ARHGEF7: variants seen among roughly 807,000 people sequenced by gnomAD.
The protein encoded by ARHGEF7 is Rho guanine nucleotide exchange factor 7.
A neutral mutation model predicts 109.8 loss-of-function variants in ARHGEF7; 33 were observed. The observed-to-expected ratio is 0.30, with a 90% CI of 0.23 to 0.40. The LOEUF is 0.40. Ranked by LOEUF, ARHGEF7 falls within the 10% of genes least tolerant of loss-of-function variation. ARHGEF7 has a pLI of 1.00. For missense variants in ARHGEF7, 938 were observed against 1,098.5 expected (o/e 0.85, Z 2.07); for synonymous variants, 458 against 424.6 (o/e 1.08, Z -0.97).
intron 1 of ARHGEF7, chr13:111,144,169 T>G (rs1455121387): frequency 6.6e-6 from 1 of 152,236 alleles, no homozygotes; most frequent in African/African-American, 2.4e-5. Flanking sequence ...GGTACACTTG[T>G]ATCTATTACT....
chr13:111,241,103 T>C (rs745356463), intron 6 of ARHGEF7: 68 of 1,491,554 alleles, frequency 4.6e-5, no homozygotes, highest in African/African-American at 5.6e-5. Flanking sequence ...AGTGTTTGAC[T>C]GCACTTGCCT....
At chr13:111,187,365 C>T (rs1195283938) in intron 2 of ARHGEF7, among the ~76,000 whole-genome samples, 2 of 152,138 alleles carry the variant, frequency 1.3e-5, no homozygotes, top group South Asian at 2.1e-4. Context: ...GGTCCTGTTG[C>T]CTGATGAGGG....
intron 5 of ARHGEF7, among the ~76,000 whole-genome samples, chr13:111,221,514 G>GAT (rs1289067497): frequency 4.1e-5 from 2 of 48,392 alleles, no homozygotes; most frequent in African/African-American, 1.6e-4. Flanking sequence ...TATATATATA[G>GAT]ATATATATCT....
chr13:111,153,896 G>T lies in ARHGEF7; in HGVS notation c.166-9G>T. 1.2e-6 allele frequency: 2 copies of T among 1,601,420 alleles called. No individual in the cohort carries two copies. The highest frequency in any genetic ancestry group is 8.5e-7 in the Non-Finnish European group (1 of 1,175,760). ...CCACGGCGCTCAGCGCTTGTGCTCT[G>T]TATTGCAGGTCTACCCCGAGCCCCG... On this transcript the variant is annotated splice_polypyrimidine_tract_variant and intron_variant, in intron 1 of 21. Coordinates refer to ENST00000646102, the MANE Select transcript of ARHGEF7 (RefSeq NM_001354046.2).
chr13:111,179,467 A>G (rs569037941), intron 2 of ARHGEF7, among the ~76,000 whole-genome samples: 1 of 152,230 alleles, frequency 6.6e-6, no homozygotes, highest in Non-Finnish European at 1.5e-5. Flanking sequence ...ATACTTCAGC[A>G]TGTGTATCTT....
chr13:111,286,292 GC>G (rs1368053116), intron 17 of ARHGEF7, 52 bp downstream of exon 17: 1 of 1,445,368 alleles, frequency 6.9e-7, no homozygotes, highest in Admixed American at 1.7e-5. Flanking sequence ...GGTCACGTAG[GC>G]CATGGCTTTC....
intron 2 of ARHGEF7, among the ~76,000 whole-genome samples, chr13:111,165,362 G>A (rs2077044068): frequency 6.6e-6 from 1 of 152,206 alleles, no homozygotes; most frequent in Non-Finnish European, 1.5e-5. Context: ...AGTCTTTCCA[G>A]TGCAGCTGGT....
chr13:111,115,646 C>T lies in ARHGEF7; in HGVS notation c.120C>T (p.Val40=), dbSNP rs774708069. 1.5e-6 allele frequency: 2 copies of T among 1,367,498 alleles called. No individual in the cohort carries two copies. The highest frequency in any genetic ancestry group is 3.2e-5 in the East Asian group (1 of 30,962). The allele number at this position is 1,367,498 out of a possible 1,614,324, so 84.7% of individuals were successfully genotyped here. A position where few individuals can be genotyped will look rare whatever the true frequency, so the allele number is the denominator to read the frequency against. Residue 40 remains valine (V), a synonymous_variant, in exon 1 of 22, where the codon GTC becomes GTT. Transcript: ENST00000646102. ...AGGCGTCGCTGAAGGATGGGGTGGT[C>T]CTCTGCAGGCTGCTGGAGCGCCTGC... The part of the protein sequence containing the change: ...FLQASLKDGV[V]LCRLLERLLP...
chr13:111,149,246 GAA>G (rs944400762), intron 1 of ARHGEF7, among the ~76,000 whole-genome samples: 1 of 139,346 alleles, frequency 7.2e-6, no homozygotes, highest in Admixed American at 7.3e-5. Context: ...CACTATCTCT[GAA>G]AAAAAAAAAG....
intron 1 of ARHGEF7, among the ~76,000 whole-genome samples, chr13:111,133,737 G>C (rs2074909124): frequency 7.5e-6 from 1 of 133,300 alleles, no homozygotes; most frequent in Admixed American, 7.8e-5. Flanking sequence ...CGTAGGACTG[G>C]GATGGGGCAG....
intron 2 of ARHGEF7, chr13:111,158,928 CTG>C: frequency 1.5e-6 from 1 of 664,014 alleles, no homozygotes. Context: ...TTATTGTTAA[CTG>C]TAGTCACCTG....
At chr13:111,268,543 G>A (rs2091869819) in intron 9 of ARHGEF7, among the ~76,000 whole-genome samples, 1 of 152,166 alleles carries the variant, frequency 6.6e-6, no homozygotes, top group Non-Finnish European at 1.5e-5. Flanking sequence ...TCCACTGAAA[G>A]CCTCGTCAGT....
At chr13:111,132,441 T>C (rs2074803672) in intron 1 of ARHGEF7, among the ~76,000 whole-genome samples, 1 of 152,254 alleles carries the variant, frequency 6.6e-6, no homozygotes, top group African/African-American at 2.4e-5. Context: ...CTGCTGAGTC[T>C]CTGTTTTGCA....
At chr13:111,264,265 A>G (rs886907089) in intron 8 of ARHGEF7, among the ~76,000 whole-genome samples, 1 of 152,206 alleles carries the variant, frequency 6.6e-6, no homozygotes, top group Non-Finnish European at 1.5e-5. Flanking sequence ...CTGCTAGACA[A>G]ATTTCAGTAG....
At chr13:111,158,897 A>C in intron 2 of ARHGEF7, 1 of 615,038 alleles carries the variant, frequency 1.6e-6, no homozygotes, top group Non-Finnish European at 3.0e-6. Flanking sequence ...ATCTTTTAGC[A>C]ATTTTGAAAT....
chr13:111,203,174 A>G, intron 2 of ARHGEF7: 1 of 1,128,664 alleles, frequency 8.9e-7, no homozygotes, highest in Non-Finnish European at 1.2e-6. Context: ...TGACAAAATA[A>G]AAAATGACTT....
At chr13:111,299,178 C>G (rs1406901379) in intron 19 of ARHGEF7, among the ~76,000 whole-genome samples, 2 of 152,164 alleles carry the variant, frequency 1.3e-5, no homozygotes, top group Non-Finnish European at 2.9e-5. Context: ...GGCCAGTGAG[C>G]TCCAGGCCTG....
In ARHGEF7 at chr13:111,274,003, A is replaced by G. The variant is rs2092335566; in HGVS notation, c.1212+51A>G. 3.1e-6 allele frequency: 5 copies of G among 1,596,354 alleles called. No individual in the cohort carries two copies. In the South Asian group the frequency reaches 3.3e-5, roughly 11 times the overall value. On this transcript the variant is annotated intron_variant, in intron 10 of 21. Transcript: ENST00000646102. ...GGAGTCCTTACCAAGGGTTAGTGGCATGGTCAGACTTACTGTGAAAGAAAG... is the reference window on the plus strand; with the variant it reads ...GGAGTCCTTACCAAGGGTTAGTGGCGTGGTCAGACTTACTGTGAAAGAAAG...
chr13:111,168,233 C>T (rs575581168), intron 2 of ARHGEF7, among the ~76,000 whole-genome samples: 39 of 152,256 alleles, frequency 2.6e-4, no homozygotes, highest in East Asian at 3.9e-4. Flanking sequence ...CTGCCTCTGC[C>T]GCTCTCCCGC....
Sources: allele counts gnomAD v4.1 joint callset (sites outside exome capture counted in the v4.1 genomes callset), GRCh38; gene constraint gnomAD v4.1.1; transcripts MANE v1.5; gene names NCBI Gene and HGNC (gene_info 2026-07-23, HGNC 2026-07-21).